The following IER3IP1 variants were observed in gnomAD, a reference collection of about 807,000 sequenced individuals.
IER3IP1 encodes the protein immediate early response 3 interacting protein 1.
IER3IP1 carries 16 observed loss-of-function variants against 12.2 expected under a neutral mutation model. That is an observed-to-expected ratio of 1.31 (90% CI 0.89 to 1.99). The LOEUF is 1.99. IER3IP1 is among the 30% of genes most tolerant of loss of function. The pLI is 0.00. For synonymous variants in IER3IP1, 42 were observed against 40.0 expected, an observed-to-expected ratio of 1.05 and a Z score of -0.19; for missense variants, 95 against 95.8, an observed-to-expected ratio of 0.99 and a Z score of 0.03.
chr18:47,160,195 CAA>C (rs145577681), intron 1 of IER3IP1, among the ~76,000 whole-genome samples: 1 of 137,230 alleles, frequency 7.3e-6, no homozygotes. Flanking sequence ...AACTCCGTCT[CAA>C]AAAAAAAAAA....
chr18:47,159,064 C>CAT (rs2144424973), intron 1 of IER3IP1, among the ~76,000 whole-genome samples: 1 of 152,200 alleles, frequency 6.6e-6, no homozygotes, highest in South Asian at 2.1e-4. Flanking sequence ...GCAATGACAG[C>CAT]ATATATATAT....
chr18:47,169,887 A>C (rs969506689), intron 1 of IER3IP1, among the ~76,000 whole-genome samples: 31 of 152,126 alleles, frequency 2.0e-4, no homozygotes, highest in African/African-American at 7.5e-4. Flanking sequence ...ATATTTTATC[A>C]CAGTCTGTGG....
intron 1 of IER3IP1, among the ~76,000 whole-genome samples, chr18:47,160,846 CTTCAT>C (rs1331224199): frequency 3.3e-5 from 5 of 152,156 alleles, no homozygotes; most frequent in Non-Finnish European, 7.4e-5. Context: ...GATCATTCCT[CTTCAT>C]TTATTAATTT....
chr18:47,172,673 A>G lies in IER3IP1; in HGVS notation c.91+3514T>C, dbSNP rs751963382. Among the ~76,000 whole-genome samples, 1 of 152,218 alleles carries G rather than the reference A, an allele frequency of 6.6e-6. No individual in the cohort carries two copies. Among genetic ancestry groups the G allele is most frequent in the Non-Finnish European group, 1.5e-5 (1 of 68,040 alleles). On this transcript the variant is annotated intron_variant, in intron 1 of 2. Transcript: ENST00000256433. This position sits in a 1 kb window ranked among gnomAD's most constrained non-coding sequence, Gnocchi z 4.0. ...ATCACGCTACTCAGAACAGCTTGCA[A>G]TTTAAAACATGAATTGCTTATTTCT...
chr18:47,164,370 G>C (rs931018666), intron 1 of IER3IP1, among the ~76,000 whole-genome samples: 2 of 151,940 alleles, frequency 1.3e-5, no homozygotes, highest in African/African-American at 2.4e-5. Flanking sequence ...ACAAGTAAAA[G>C]ATCAGGGGCC....
intron 1 of IER3IP1, among the ~76,000 whole-genome samples, chr18:47,169,689 C>G (rs1186635546): frequency 6.6e-6 from 1 of 151,968 alleles, no homozygotes; most frequent in Non-Finnish European, 1.5e-5. Context: ...GTTTGCACTT[C>G]TCTAATGATT....
At chr18:47,157,962 A>C (rs2144423726) in intron 1 of IER3IP1, among the ~76,000 whole-genome samples, 1 of 152,382 alleles carries the variant, frequency 6.6e-6, no homozygotes, top group Admixed American at 6.5e-5. Flanking sequence ...TAATATAAAA[A>C]TGCTGTAGCT....
Position 47,168,860 on chromosome 18 carries a change from G to C in IER3IP1, c.91+7327C>G, listed in dbSNP as rs189350827. 4.2e-3 allele frequency among the ~76,000 whole-genome samples: 646 copies of C among 152,300 alleles called. 3 individuals carry two copies. Among genetic ancestry groups the C allele is most frequent in the Non-Finnish European group, 6.9e-3 (468 of 68,028 alleles). On this transcript the variant is annotated intron_variant, in intron 1 of 2. Coordinates refer to ENST00000256433, the MANE Select transcript of IER3IP1 (RefSeq NM_016097.5). ...CATCAGCAGAGTATGAGTTCACACT[G>C]TTCTATAACCTTATCAAAACTTCCT...
Position 47,152,904 on chromosome 18 carries a change from T to C in IER3IP1, c.*3273A>G, listed in dbSNP as rs1390749006. The C allele has an allele frequency of 1.3e-5, 2 of 152,228 alleles. No homozygotes were observed. Among genetic ancestry groups the C allele is most frequent in the African/African-American group, 4.8e-5 (2 of 41,460 alleles). 9.4% of individuals were successfully genotyped at this position (152,228 alleles called of 1,614,324 possible). A position where few individuals can be genotyped will look rare whatever the true frequency, so the allele number is the denominator to read the frequency against. The stretch of plus-strand genomic sequence containing the variant: ...TTGAAGCACATCTAGATACAAACAT[T>C]AGTGATCTGGAAAAGATATATATAT... On this transcript the variant is annotated 3_prime_UTR_variant, in exon 3 of 3. Coordinates refer to ENST00000256433, the MANE Select transcript of IER3IP1 (RefSeq NM_016097.5).
At chr18:47,161,086 CTTAA>C (rs1377788305) in intron 1 of IER3IP1, among the ~76,000 whole-genome samples, 2 of 152,104 alleles carry the variant, frequency 1.3e-5, no homozygotes, top group South Asian at 4.1e-4. Context: ...GACTACAGGG[CTTAA>C]TTAATTCCTG....
intron 2 of IER3IP1, 89 bp from the exon 3 acceptor site, chr18:47,156,321 A>G: frequency 4.1e-6 from 3 of 731,008 alleles, no homozygotes; most frequent in Non-Finnish European, 7.3e-6. Flanking sequence ...GAACAATAGA[A>G]ATATCTAACA....
intron 2 of IER3IP1, chr18:47,157,119 T>C (rs1340124648): frequency 3.0e-6 from 1 of 332,572 alleles, no homozygotes; most frequent in Non-Finnish European, 5.6e-6. Flanking sequence ...CAATACTGTA[T>C]GTGATTTTAC....
At chr18:47,161,708 G>C (rs764720837) in intron 1 of IER3IP1, among the ~76,000 whole-genome samples, 2 of 152,084 alleles carry the variant, frequency 1.3e-5, no homozygotes, top group Non-Finnish European at 2.9e-5. Flanking sequence ...AGATGGGTTG[G>C]GGGGTGGTGG....
intron 1 of IER3IP1, 129 bp downstream of exon 1, chr18:47,176,058 C>T (rs1380278416): frequency 2.6e-6 from 2 of 782,838 alleles, no homozygotes; most frequent in Admixed American, 2.1e-5. Context: ...GGCTCGGCTT[C>T]CACTCCAAGC....
chr18:47,173,997 A>G (rs2064023277), intron 1 of IER3IP1, among the ~76,000 whole-genome samples: 1 of 152,258 alleles, frequency 6.6e-6, no homozygotes, highest in Non-Finnish European at 1.5e-5. Context: ...CTAACCCAGT[A>G]TGATCTCATC....
intron 1 of IER3IP1, among the ~76,000 whole-genome samples, chr18:47,158,869 G>A (rs1221261491): frequency 6.6e-6 from 1 of 152,050 alleles, no homozygotes; most frequent in Non-Finnish European, 1.5e-5. Context: ...GCTGAGGTGA[G>A]AGGATCACCT....
At chr18:47,171,659 T>C (rs927976845) in intron 1 of IER3IP1, among the ~76,000 whole-genome samples, 1 of 152,260 alleles carries the variant, frequency 6.6e-6, no homozygotes, top group African/African-American at 2.4e-5. Context: ...CTACTATGTA[T>C]TTCATTAACT....
In IER3IP1 at chr18:47,153,484, GATT is replaced by G. The variant is rs1056064888; in HGVS notation, c.*2690_*2692del. ...ACTTGTGTCACGGGGGTTTGGCACA[GATT>G]ATTTCGTTATCCAGGTGCTAAGCCT... On this transcript the variant is annotated 3_prime_UTR_variant, in exon 3 of 3. Coordinates refer to ENST00000256433, the MANE Select transcript of IER3IP1 (RefSeq NM_016097.5). 1.3e-5 allele frequency: 2 copies of G among 151,746 alleles called. No homozygotes were observed. Among genetic ancestry groups the G allele is most frequent in the Non-Finnish European group, 2.9e-5 (2 of 67,966 alleles). 9.4% of individuals were successfully genotyped at this position (151,746 alleles called of 1,614,324 possible).
chr18:47,174,635 C>A (rs1300913230), intron 1 of IER3IP1, among the ~76,000 whole-genome samples: 1 of 151,542 alleles, frequency 6.6e-6, no homozygotes, highest in Non-Finnish European at 1.5e-5. Flanking sequence ...CGCCACTGCA[C>A]TCCAGCCGGG....
Sources: gnomAD v4.1 joint callset for allele counts (sites outside exome capture counted in the v4.1 genomes callset) on GRCh38, gnomAD v4.1.1 for gene constraint, Gnocchi (gnomAD v3.1) non-coding constraint, MANE v1.5 for transcripts, NCBI Gene and HGNC (gene_info 2026-07-23, HGNC 2026-07-21) for gene names.